MYO5B: variants seen among roughly 807,000 people sequenced by gnomAD.
MYO5B encodes myosin VB.
Under a neutral mutation model 229.3 loss-of-function variants are expected in MYO5B, and 143 were observed. The observed-to-expected ratio is 0.62, with a 90% confidence interval of 0.54 to 0.72. The LOEUF is 0.72. MYO5B is among the 30% of genes least tolerant of loss of function. The pLI is 0.00. For missense variants in MYO5B, 2,321 were observed against 2,331.0 expected (o/e 1.00, Z 0.09); for synonymous variants, 918 against 885.2 (o/e 1.04, Z -0.66).
At chr18:49,929,254 T>A (rs549302585) in intron 17 of MYO5B, among the ~76,000 whole-genome samples, 1 of 152,308 alleles carries the variant, frequency 6.6e-6, no homozygotes, top group Admixed American at 6.5e-5. Flanking sequence ...GCTCATCACT[T>A]AGACCAACAC....
chr18:50,117,924 A>T (rs2031991769), intron 1 of MYO5B, among the ~76,000 whole-genome samples: 1 of 152,154 alleles, frequency 6.6e-6, no homozygotes. Context: ...GAAAGGAGCA[A>T]AGTCAGTGCT....
Position 49,937,141 on chromosome 18 carries a change from G to C in MYO5B, c.1905+104C>G. Reference sequence around the variant, plus strand: ...GGATGGCTGAGGCTACTGATGTCAAGGCTGCTGTGATGGCTTCCCTCTCAC... The same window carrying C: ...GGATGGCTGAGGCTACTGATGTCAACGCTGCTGTGATGGCTTCCCTCTCAC... On this transcript the variant is annotated intron_variant, in intron 15 of 39. Transcript: ENST00000285039. 8 of 1,409,514 alleles carry C rather than the reference G, an allele frequency of 5.7e-6. No individual in the cohort carries two copies. The South Asian group carries it at 9.3e-5, about 16-fold the overall frequency. 87.3% of individuals were successfully genotyped at this position (1,409,514 alleles called of 1,614,324 possible). A position where few individuals can be genotyped will look rare whatever the true frequency, so the allele number is the denominator to read the frequency against.
At chr18:49,877,477 A>G (rs546219870) in intron 25 of MYO5B, among the ~76,000 whole-genome samples, 1 of 150,438 alleles carries the variant, frequency 6.6e-6, no homozygotes, top group South Asian at 2.1e-4. Context: ...ACCTCTCTGC[A>G]TCAGCTTCTT....
At chr18:49,984,488 G>C (rs1041222575) in intron 8 of MYO5B, among the ~76,000 whole-genome samples, 2 of 152,200 alleles carry the variant, frequency 1.3e-5, no homozygotes, top group African/African-American at 2.4e-5. Flanking sequence ...CTGGGAGAGG[G>C]ACTCTCATAA....
chr18:50,109,419 G>A (rs1041203590), intron 1 of MYO5B, among the ~76,000 whole-genome samples: 1 of 142,422 alleles, frequency 7.0e-6, no homozygotes, highest in Non-Finnish European at 1.5e-5. Flanking sequence ...CGCTGGTCAT[G>A]ATTTTTCTTT....
At chr18:50,073,439 C>T (rs2031005824) in intron 1 of MYO5B, among the ~76,000 whole-genome samples, 1 of 152,296 alleles carries the variant, frequency 6.6e-6, no homozygotes, top group Non-Finnish European at 1.5e-5. Flanking sequence ...AACAACTTGG[C>T]TTTCTTGACC....
intron 12 of MYO5B, 52 bp from the exon 13 acceptor site, chr18:49,954,487 C>T (rs2025469413): frequency 1.2e-6 from 2 of 1,611,824 alleles, no homozygotes; most frequent in Middle Eastern, 1.7e-4. Flanking sequence ...AAGAAGGAAG[C>T]CCTGGGTTGC....
intron 17 of MYO5B, among the ~76,000 whole-genome samples, chr18:49,923,662 C>T (rs1034048515): frequency 6.6e-6 from 1 of 152,176 alleles, no homozygotes; most frequent in Non-Finnish European, 1.5e-5. Flanking sequence ...TGGTTAACCA[C>T]GTCAGATCCA....
intron 1 of MYO5B, among the ~76,000 whole-genome samples, chr18:50,077,087 T>A (rs2031096666): frequency 6.7e-6 from 1 of 149,076 alleles, no homozygotes; most frequent in South Asian, 2.1e-4. Flanking sequence ...CTTGTTAAAA[T>A]GTCTTCGTTT....
intron 21 of MYO5B, among the ~76,000 whole-genome samples, chr18:49,899,131 C>G (rs1013628559): frequency 6.6e-6 from 1 of 152,182 alleles, no homozygotes; most frequent in Admixed American, 6.5e-5. Flanking sequence ...CTATGCTGTT[C>G]TCACAAATAC....
intron 20 of MYO5B, 87 bp downstream of exon 20, chr18:49,904,585 T>C (rs1180414567): frequency 1.3e-6 from 2 of 1,558,566 alleles, no homozygotes; most frequent in East Asian, 4.5e-5. Context: ...TGGGAGTGCT[T>C]GACAGAGGTT....
intron 1 of MYO5B, among the ~76,000 whole-genome samples, chr18:50,181,544 A>C (rs2033073763): frequency 6.6e-6 from 1 of 152,214 alleles, no homozygotes; most frequent in South Asian, 2.1e-4. Context: ...TTCCAGACAA[A>C]GATATTGTCA....
intron 27 of MYO5B, among the ~76,000 whole-genome samples, chr18:49,870,379 TTGA>T (rs2024443774): frequency 6.6e-6 from 1 of 152,186 alleles, no homozygotes; most frequent in Non-Finnish European, 1.5e-5. Flanking sequence ...GACATCAGAT[TTGA>T]TGATTTCTTA....
chr18:49,920,483 C>T (rs999650056), intron 17 of MYO5B, among the ~76,000 whole-genome samples: 11 of 152,136 alleles, frequency 7.2e-5, no homozygotes, highest in Non-Finnish European at 1.5e-4. Flanking sequence ...TTCCTTTTAT[C>T]CCCCAACTAT....
At chr18:50,163,944 T>G (rs2032806488) in intron 1 of MYO5B, among the ~76,000 whole-genome samples, 1 of 152,202 alleles carries the variant, frequency 6.6e-6, no homozygotes, top group Non-Finnish European at 1.5e-5. Context: ...AACTTCATGT[T>G]TTAGCCATTA....
chr18:49,899,966 T>C (rs1195553079), intron 21 of MYO5B, among the ~76,000 whole-genome samples: 4 of 152,242 alleles, frequency 2.6e-5, no homozygotes, highest in Non-Finnish European at 5.9e-5. Context: ...TGCTTTTCTT[T>C]GATTTTTCAA....
chr18:50,024,474 G>A (rs544506587), intron 4 of MYO5B, among the ~76,000 whole-genome samples: 2 of 152,156 alleles, frequency 1.3e-5, no homozygotes, highest in African/African-American at 2.4e-5. Flanking sequence ...TGTAGAGAAG[G>A]TTTAATGCCC....
chr18:49,969,161 C>A lies in MYO5B; in HGVS notation c.1322+5189G>T, dbSNP rs533813758. Among the ~76,000 whole-genome samples, 18 of 152,330 alleles carry A rather than the reference C, an allele frequency of 1.2e-4. No homozygotes were observed. The South Asian group carries it at 3.5e-3, about 30-fold the overall frequency. ...CAGGGATCTTCTGGGCTGTCCAGGG[C>A]TGAGACACTGTCACAGGCTGAAGGG... On this transcript the variant is annotated intron_variant, in intron 10 of 39. Coordinates refer to ENST00000285039, the MANE Select transcript of MYO5B (RefSeq NM_001080467.3).
At chr18:49,837,489 G>A in intron 37 of MYO5B, 28 bp downstream of exon 37, 14 of 1,613,270 alleles carry the variant, frequency 8.7e-6, no homozygotes, top group Non-Finnish European at 1.2e-5. Context: ...CACTCTATCT[G>A]TGTTGTTGGG....
Sources: allele counts gnomAD v4.1 joint callset (sites outside exome capture counted in the v4.1 genomes callset), GRCh38; gene constraint gnomAD v4.1.1; transcripts MANE v1.5; gene names NCBI Gene and HGNC (gene_info 2026-07-23, HGNC 2026-07-21).